The following CLASP1 variants were observed in gnomAD, a reference collection of about 807,000 sequenced individuals.
The protein encoded by CLASP1 is CLIP-associating protein 1.
CLASP1 carries 38 observed loss-of-function variants against 192.3 expected under a neutral mutation model. The observed-to-expected ratio is 0.20, with a 90% CI of 0.15 to 0.26. The LOEUF (loss-of-function observed/expected upper bound fraction) is 0.26, where lower values mean the gene tolerates loss of function less well. CLASP1 is among the 10% of genes least tolerant of loss of function. The probability of loss-of-function intolerance (pLI) is 1.00; values close to 1 mark genes in which losing one functional copy is unlikely to be tolerated. For synonymous variants in CLASP1, 691 were observed against 712.8 expected (o/e 0.97, Z 0.49); for missense variants, 1,433 against 1,932.5 (o/e 0.74, Z 4.85).
intron 30 of CLASP1, 77 bp from the exon 32 acceptor site, chr2:121,387,983 ATATTT>A: frequency 1.7e-6 from 2 of 1,155,770 alleles, no homozygotes; most frequent in South Asian, 3.3e-5. Context: ...GTTTAAAAAA[ATATTT>A]TATAAGTAAA....
At chr2:121,387,214 A>G in exon 32 of CLASP1, 1 of 1,602,520 alleles carries the variant, frequency 6.2e-7, no homozygotes, top group Non-Finnish European at 8.5e-7. Flanking sequence ...GGCCAATCGT[A>G]TTGCTTGGAG....
At chr2:121,588,173 CAAAAAAAA>C (rs397769809) in intron 2 of CLASP1, among the ~76,000 whole-genome samples, 1 of 61,054 alleles carries the variant, frequency 1.6e-5, no homozygotes, top group Non-Finnish European at 4.0e-5. Context: ...GACTCCGTCT[CAAAAAAAA>C]AAAAAAAAAA....
intron 2 of CLASP1, among the ~76,000 whole-genome samples, chr2:121,539,600 A>G: frequency 6.6e-6 from 1 of 152,236 alleles, no homozygotes; most frequent in East Asian, 1.9e-4. Flanking sequence ...GACACAATAA[A>G]CACAAACCAT....
intron 25 of CLASP1, among the ~76,000 whole-genome samples, chr2:121,406,173 A>T (rs971695051): frequency 2.6e-5 from 4 of 152,222 alleles, no homozygotes; most frequent in African/African-American, 9.6e-5. Flanking sequence ...AAGGGCTAAA[A>T]ATAAGGGTGT....
chr2:121,467,241 G>T (rs907406253), intron 9 of CLASP1, among the ~76,000 whole-genome samples: 4 of 152,156 alleles, frequency 2.6e-5, no homozygotes, highest in Non-Finnish European at 4.4e-5. Context: ...CCACATCTTT[G>T]CTATTGTGAA....
intron 2 of CLASP1, among the ~76,000 whole-genome samples, chr2:121,566,192 G>A (rs2059485562): frequency 6.6e-6 from 1 of 152,216 alleles, no homozygotes; most frequent in Non-Finnish European, 1.5e-5. Context: ...GGGGGTAGAT[G>A]TGTGGGTGCA....
chr2:121,526,022 T>C, intron 5 of CLASP1, 102 bp from the exon 6 acceptor site: 3 of 760,736 alleles, frequency 3.9e-6, no homozygotes, highest in Non-Finnish European at 6.8e-6. Context: ...CCAATCCCCA[T>C]CACCACCTCA....
intron 8 of CLASP1, among the ~76,000 whole-genome samples, chr2:121,491,590 C>T (rs976282862): frequency 6.6e-6 from 1 of 152,130 alleles, no homozygotes; most frequent in Non-Finnish European, 1.5e-5. Flanking sequence ...TTTTGAAACT[C>T]ATGGAAGGAA....
At chr2:121,478,806 A>G (rs1373894939) in intron 8 of CLASP1, among the ~76,000 whole-genome samples, 3 of 73,814 alleles carry the variant, frequency 4.1e-5, no homozygotes, top group Non-Finnish European at 8.0e-5. Flanking sequence ...CACACCACAC[A>G]CACACCCCAC....
chr2:121,470,926 A>AT (rs1217930094), intron 8 of CLASP1, among the ~76,000 whole-genome samples: 1 of 152,148 alleles, frequency 6.6e-6, no homozygotes, highest in Admixed American at 6.6e-5. Context: ...GAAGATGAAC[A>AT]TTTTTTTCGT....
chr2:121,463,643 C>T (rs1172040433), intron 9 of CLASP1, among the ~76,000 whole-genome samples: 2 of 152,122 alleles, frequency 1.3e-5, no homozygotes, highest in Non-Finnish European at 2.9e-5. Flanking sequence ...ACAACAGTCC[C>T]TGAGCCTAAG....
At chr2:121,342,543 C>T (rs2062913585) in intron 39 of CLASP1, among the ~76,000 whole-genome samples, 1 of 152,074 alleles carries the variant, frequency 6.6e-6, no homozygotes, top group Non-Finnish European at 1.5e-5. Flanking sequence ...CTCTAATCAA[C>T]AACCTAAACT....
At chr2:121,396,323 T>C (rs1454734741) in intron 30 of CLASP1, among the ~76,000 whole-genome samples, 1 of 152,206 alleles carries the variant, frequency 6.6e-6, no homozygotes, top group Non-Finnish European at 1.5e-5. Context: ...TAACACTATA[T>C]AATCCAAAAT....
chr2:121,536,378 GAAAAAAA>G (rs59632661), intron 2 of CLASP1, among the ~76,000 whole-genome samples: 17 of 48,310 alleles, frequency 3.5e-4, no homozygotes, highest in Non-Finnish European at 5.5e-4. Context: ...AAGACTGTCT[GAAAAAAA>G]AAAAAAAAAA....
intron 2 of CLASP1, among the ~76,000 whole-genome samples, chr2:121,550,335 T>C (rs1224158486): frequency 6.6e-6 from 1 of 151,730 alleles, no homozygotes; most frequent in African/African-American, 2.4e-5. Flanking sequence ...ACTGAAAGAA[T>C]TAGAGAAGCA....
chr2:121,433,471 T>C (rs2081807464), intron 19 of CLASP1, among the ~76,000 whole-genome samples: 2 of 152,070 alleles, frequency 1.3e-5, no homozygotes, highest in South Asian at 4.2e-4. Context: ...TTTAAAGTAA[T>C]AGGTGAGGCA....
chr2:121,625,426 CA>C (rs1268571691), intron 1 of CLASP1, among the ~76,000 whole-genome samples: 37 of 128,252 alleles, frequency 2.9e-4, no homozygotes, highest in Admixed American at 1.1e-3. Context: ...TTCTTTCTTT[CA>C]TTTTTTTTTT....
chr2:121,628,797 A>C (rs937327330), intron 1 of CLASP1, among the ~76,000 whole-genome samples: 1 of 152,168 alleles, frequency 6.6e-6, no homozygotes, highest in South Asian at 2.1e-4. Context: ...CAACCAGTTC[A>C]AAATCTAAGA....
At position 121,465,574 on chromosome 2, in the gene CLASP1, T is replaced by C. The variant is rs1283328263; in HGVS notation, c.866-2969A>G. ...TGCTCATGGGTAGGAAGAATCAATA[T>C]TGTGAAAATGGCCATACTGCCCAAG... is the stretch of plus-strand genomic sequence containing the variant. On this transcript the variant is annotated intron_variant, in intron 9 of 39. Coordinates refer to ENST00000263710, the Ensembl canonical transcript of CLASP1. Among the ~76,000 whole-genome samples the C allele has an allele frequency of 3.9e-5, 6 of 152,204 alleles. No homozygotes were observed. The South Asian group carries it at 1.0e-3, about 26-fold the overall frequency.
Sources: allele counts gnomAD v4.1 joint callset (sites outside exome capture counted in the v4.1 genomes callset), GRCh38; gene constraint gnomAD v4.1.1; transcripts MANE v1.5; gene names NCBI Gene and HGNC (gene_info 2026-07-23, HGNC 2026-07-21).